TJP1: variants seen among roughly 807,000 people sequenced by gnomAD.
TJP1 encodes the protein tight junction protein 1.
In TJP1, 43 loss-of-function variants were observed where a neutral mutation model predicts 194.2. The observed-to-expected ratio is 0.22, with a 90% CI of 0.17 to 0.29. The LOEUF (loss-of-function observed/expected upper bound fraction) is 0.29. Among genes scored for constraint, TJP1 ranks in the 10% least tolerant of loss-of-function variants. The pLI is 1.00. For missense variants in TJP1, 1,971 were observed against 2,185.7 expected (o/e 0.90, Z 1.96); for synonymous variants, 801 against 779.0 (o/e 1.03, Z -0.47).
intron 1 of TJP1, among the ~76,000 whole-genome samples, chr15:29,808,612 T>G (rs2049273730): frequency 6.6e-6 from 1 of 152,148 alleles, no homozygotes; most frequent in Non-Finnish European, 1.5e-5. Context: ...AAATGATAAG[T>G]GCTGGCAGAA....
intron 2 of TJP1, among the ~76,000 whole-genome samples, chr15:29,925,421 G>C (rs1719352): frequency 0.26 from 38,846 of 152,022 alleles, 5,200 homozygotes; most frequent in East Asian, 0.35. Flanking sequence ...TCTGCCACCA[G>C]GTGTGTGGTG....
At chr15:29,819,550 G>A (rs546877902) in intron 1 of TJP1, among the ~76,000 whole-genome samples, 1 of 152,244 alleles carries the variant, frequency 6.6e-6, no homozygotes, top group South Asian at 2.1e-4. Flanking sequence ...CTGAACTGAC[G>A]GGCTGCTTTA....
intron 23 of TJP1, among the ~76,000 whole-genome samples, chr15:29,714,552 T>TG (rs1485735512): frequency 7.4e-6 from 1 of 134,364 alleles, no homozygotes; most frequent in Non-Finnish European, 1.6e-5. Context: ...TTTTTTTTTT[T>TG]TTTTTTGAGA....
intron 4 of TJP1, among the ~76,000 whole-genome samples, chr15:29,767,155 G>A (rs761654396): frequency 1.6e-4 from 25 of 152,124 alleles, no homozygotes; most frequent in Non-Finnish European, 2.8e-4. Context: ...TCCCTCTGGC[G>A]TTCTTTTCTC....
At chr15:29,741,541 A>T in intron 9 of TJP1, 105 bp from the exon 10 acceptor site, 3 of 722,612 alleles carry the variant, frequency 4.2e-6, no homozygotes, top group Non-Finnish European at 7.2e-6. Flanking sequence ...CCTGATGAGG[A>T]ACATATCTAC....
At chr15:29,803,371 T>A (rs573903969) in intron 1 of TJP1, among the ~76,000 whole-genome samples, 1 of 152,156 alleles carries the variant, frequency 6.6e-6, no homozygotes, top group Non-Finnish European at 1.5e-5. Flanking sequence ...TTATATGAGA[T>A]ATTCAACACT....
chr15:29,722,847 C>T (rs2043016726), intron 18 of TJP1, among the ~76,000 whole-genome samples: 1 of 152,152 alleles, frequency 6.6e-6, no homozygotes, highest in Non-Finnish European at 1.5e-5. Context: ...ATCATTGTAG[C>T]CTGGGTGTGA....
chr15:29,735,821 A>G (rs1243940228), intron 11 of TJP1, among the ~76,000 whole-genome samples: 1 of 152,164 alleles, frequency 6.6e-6, no homozygotes, highest in Non-Finnish European at 1.5e-5. Flanking sequence ...TGAAGTCACC[A>G]TGATGCCTTG....
At chr15:29,869,472 A>G (rs2052418694) in intron 2 of TJP1, among the ~76,000 whole-genome samples, 1 of 152,198 alleles carries the variant, frequency 6.6e-6, no homozygotes, top group African/African-American at 2.4e-5. Flanking sequence ...TTTAGAAAAC[A>G]TGTATCTCAG....
chr15:29,784,113 G>C (rs1177570980), intron 2 of TJP1, among the ~76,000 whole-genome samples: 1 of 151,688 alleles, frequency 6.6e-6, no homozygotes, highest in Non-Finnish European at 1.5e-5. Flanking sequence ...GAAGGGAAGA[G>C]AAAAATTAGT....
At chr15:29,800,790 C>T (rs539827958) in intron 1 of TJP1, 88 bp from the exon 2 acceptor site, 1 of 1,264,196 alleles carries the variant, frequency 7.9e-7, no homozygotes, top group Non-Finnish European at 1.1e-6. Context: ...ATTCAGCACA[C>T]TGAAATACCA....
intron 4 of TJP1, among the ~76,000 whole-genome samples, chr15:29,770,851 A>T (rs2046624112): frequency 6.6e-6 from 1 of 151,960 alleles, no homozygotes; most frequent in Non-Finnish European, 1.5e-5. Flanking sequence ...AATAAATTTT[A>T]TAAATTTATA....
chr15:29,893,607 C>T (rs1412908468), intron 2 of TJP1, among the ~76,000 whole-genome samples: 1 of 152,178 alleles, frequency 6.6e-6, no homozygotes, highest in Non-Finnish European at 1.5e-5. Flanking sequence ...CAAGACCTTC[C>T]ACAAGCAACA....
intron 1 of TJP1, among the ~76,000 whole-genome samples, chr15:29,813,366 G>A (rs2151958260): frequency 6.6e-6 from 1 of 152,156 alleles, no homozygotes; most frequent in South Asian, 2.1e-4. Flanking sequence ...TTGCCCCTCA[G>A]ACAGACATAT....
chr15:29,923,761 A>G (rs939976), intron 2 of TJP1, among the ~76,000 whole-genome samples: 28,972 of 152,186 alleles, frequency 0.19, 2,871 homozygotes, highest in East Asian at 0.35. Context: ...TGTGAATATA[A>G]TACAAGCCAC....
chr15:29,732,461 T>C lies in TJP1; in HGVS notation c.1989A>G (p.Arg663=), dbSNP rs766522104. ...CAATTTGATAAATATCTGGTTCTTC[T>C]CTTGCCAGCTTTTCTCTGGCAACAT... ...IADVAREKLA[R]EEPDIYQIAK... is the part of the protein sequence containing the mutation. Residue 663 remains arginine (R), a synonymous_variant, in exon 15 of 28, where the codon AGA becomes AGG. Coordinates refer to ENST00000614355, the MANE Select transcript of TJP1 (RefSeq NM_001330239.4). The C allele has an allele frequency of 1.2e-6, 2 of 1,613,884 alleles. No individual in the cohort carries two copies. The highest frequency in any genetic ancestry group is 1.7e-6 in the Non-Finnish European group (2 of 1,180,030).
At chr15:29,823,219 G>T (rs1264928880), upstream of TJP1, 1 of 152,214 alleles carries the variant, frequency 6.6e-6, no homozygotes, top group African/African-American at 2.4e-5. Flanking sequence ...TGACCGAACG[G>T]GTCAAGCTGC....
chr15:29,853,749 C>T (rs1033785400), intron 2 of TJP1, among the ~76,000 whole-genome samples: 3 of 152,138 alleles, frequency 2.0e-5, no homozygotes, highest in African/African-American at 7.2e-5. Flanking sequence ...TTTCAAAGCT[C>T]TATAAAATGC....
chr15:29,891,663 G>A (rs2053312846), intron 2 of TJP1, among the ~76,000 whole-genome samples: 1 of 152,036 alleles, frequency 6.6e-6, no homozygotes, highest in Non-Finnish European at 1.5e-5. Context: ...TATCTGTTGT[G>A]GTGATCTGTG....
Sources: allele counts gnomAD v4.1 joint callset (sites outside exome capture counted in the v4.1 genomes callset), GRCh38; gene constraint gnomAD v4.1.1; transcripts MANE v1.5; gene names NCBI Gene and HGNC (gene_info 2026-07-23, HGNC 2026-07-21).